The following SH3D19 variants were observed in gnomAD, a reference collection of about 807,000 sequenced individuals.
The protein encoded by SH3D19 is SH3 domain containing 19, also known as SH3 domain-containing protein 19.
In SH3D19, 58 loss-of-function variants were observed where a neutral mutation model predicts 112.1. The ratio of observed to expected loss-of-function variants is 0.52; its 90% CI spans 0.42 to 0.64. The LOEUF (loss-of-function observed/expected upper bound fraction) is 0.64. SH3D19 is among the 30% of genes least tolerant of loss of function. SH3D19 has a pLI of 0.00. For synonymous variants in SH3D19, 391 were observed against 448.5 expected (o/e 0.87, Z 1.62); for missense variants, 1,090 against 1,263.4 (o/e 0.86, Z 2.08).
intron 2 of SH3D19, among the ~76,000 whole-genome samples, chr4:151,214,746 G>A: frequency 1.0e-5 from 1 of 97,336 alleles, no homozygotes; most frequent in Non-Finnish European, 2.6e-5. Flanking sequence ...GGATGGGGAG[G>A]CTGGCCGGGC....
Position 151,174,963 on chromosome 4 carries a change from T to G in SH3D19, c.1241A>C (p.Lys414Thr). 1.9e-6 allele frequency: 3 copies of G among 1,614,128 alleles called. No individual in the cohort carries two copies. The highest frequency in any genetic ancestry group is 2.5e-6 in the Non-Finnish European group (3 of 1,179,996). The change falls in exon 7 of 20, where the codon AAA becomes ACA. Residue 414 changes from lysine (K) to threonine (T), a missense_variant. Coordinates refer to ENST00000604030, the MANE Select transcript of SH3D19 (RefSeq NM_001378122.1). ...PLAESSDSGK[K>T]VPTPAPRPLL... The stretch of plus-strand genomic sequence containing the variant: ...AGGCCGCGGGGCAGGAGTTGGCACT[T>G]TCTTCCCACTATCAGAGCTCTCAGC...
At chr4:151,302,988 C>T (rs553316083) in intron 1 of SH3D19, among the ~76,000 whole-genome samples, 3 of 151,980 alleles carry the variant, frequency 2.0e-5, no homozygotes, top group African/African-American at 7.2e-5. Flanking sequence ...GCATGTTGTG[C>T]ACATGTACCC....
intron 2 of SH3D19, among the ~76,000 whole-genome samples, chr4:151,216,358 A>G (rs2149922894): frequency 6.6e-6 from 1 of 152,350 alleles, no homozygotes; most frequent in East Asian, 1.9e-4. Flanking sequence ...TTTAAAGTCC[A>G]CTTTCCCAAG....
In SH3D19 at chr4:151,175,419, G is replaced by A; in HGVS notation, c.785C>T (p.Pro262Leu). The change falls in exon 7 of 20, where the codon CCA (proline) becomes CTA (leucine). Residue 262 changes from proline to leucine, a missense_variant. Coordinates refer to ENST00000604030, the MANE Select transcript of SH3D19 (RefSeq NM_001378122.1). Reference protein sequence around the residue: ...SPAAVGEESSPGRPQSLLDNA... With the variant: ...SPAAVGEESSLGRPQSLLDNA... Reference sequence around the variant, plus strand: ...GTCCAGCAGAGACTGGGGCCGGCCTGGGGATGACTCCTCTCCTACGGCTGC... The same window carrying A: ...GTCCAGCAGAGACTGGGGCCGGCCTAGGGATGACTCCTCTCCTACGGCTGC... The A allele has an allele frequency of 6.5e-7, 1 of 1,538,572 alleles. No homozygotes were observed. Among genetic ancestry groups the A allele is most frequent in the Admixed American group, 2.1e-5 (1 of 48,022 alleles).
intron 1 of SH3D19, among the ~76,000 whole-genome samples, chr4:151,230,597 C>CTTTT (rs201617546): frequency 7.3e-6 from 1 of 136,938 alleles, no homozygotes. Context: ...TAAAGTGAGT[C>CTTTT]TTTTTTTTTT....
intron 1 of SH3D19, among the ~76,000 whole-genome samples, chr4:151,284,360 G>A (rs1333905834): frequency 6.6e-6 from 1 of 152,140 alleles, no homozygotes; most frequent in East Asian, 1.9e-4. Context: ...AGTCCATCTA[G>A]TGAAGTTTTT....
At chr4:151,281,568 T>C (rs1255331717) in intron 1 of SH3D19, among the ~76,000 whole-genome samples, 2 of 152,114 alleles carry the variant, frequency 1.3e-5, no homozygotes, top group African/African-American at 4.8e-5. Flanking sequence ...CAGCTATATA[T>C]AGGATTTCTT....
chr4:151,245,749 G>A lies in SH3D19; in HGVS notation c.113-19663C>T, dbSNP rs1010116461. On this transcript the variant is annotated intron_variant, in intron 1 of 19. Transcript: ENST00000604030. ...CCTGAGTAGCTGGGATTACAGGCACGCGCCACCATGCCTAGCTAATTTTTA... is the reference window on the plus strand; with the variant it reads ...CCTGAGTAGCTGGGATTACAGGCACACGCCACCATGCCTAGCTAATTTTTA... Among the ~76,000 whole-genome samples, 21 of 152,162 alleles carry A rather than the reference G, an allele frequency of 1.4e-4. No individual in the cohort carries two copies. In the East Asian group the frequency reaches 1.5e-3, roughly 11 times the overall value.
Position 151,175,382 on chromosome 4 carries a change from G to A in SH3D19, c.822C>T (p.Thr274=). Reference sequence around the variant, plus strand: ...TGTTCATCACTGCCTGACTGTCTGAGGTGCTAGCGTTGTCCAGCAGAGACT... The same window carrying A: ...TGTTCATCACTGCCTGACTGTCTGAAGTGCTAGCGTTGTCCAGCAGAGACT... The part of the protein sequence containing the change: ...RPQSLLDNAS[T]SDSQAVMNIM... Residue 274 remains threonine (T), a synonymous_variant, in exon 7 of 20, where the codon ACC becomes ACT. Coordinates refer to ENST00000604030, the MANE Select transcript of SH3D19 (RefSeq NM_001378122.1). The A allele has an allele frequency of 6.3e-7, 1 of 1,588,278 alleles. No individual in the cohort carries two copies. The highest frequency in any genetic ancestry group is 8.6e-7 in the Non-Finnish European group (1 of 1,167,402).
chr4:151,299,820 G>A (rs1429310531), intron 1 of SH3D19, among the ~76,000 whole-genome samples: 2 of 152,156 alleles, frequency 1.3e-5, no homozygotes, highest in East Asian at 1.9e-4. Flanking sequence ...GGAAAAATAC[G>A]CTAACCCATT....
At position 151,165,677 on chromosome 4, in the gene SH3D19, T is replaced by C. The variant is rs915946013; in HGVS notation, c.1554A>G (p.Ala518=). The change falls in exon 8 of 20, where the codon GCA becomes GCG. Residue 518 remains alanine, a synonymous_variant. Coordinates refer to ENST00000604030, the MANE Select transcript of SH3D19 (RefSeq NM_001378122.1). Reference sequence around the variant, plus strand: ...CTCGTTCTTTTATTGGTTCTGTTTTTGCAGGGAGCTGAAAGGGATCTAATG... The same window carrying C: ...CTCGTTCTTTTATTGGTTCTGTTTTCGCAGGGAGCTGAAAGGGATCTAATG... The part of the protein sequence containing the change: ...EMVLDPFQLP[A]KTEPIKERAV... The C allele has an allele frequency of 2.5e-6, 4 of 1,614,024 alleles. No homozygotes were observed. The African/African-American group carries it at 4.0e-5, about 16-fold the overall frequency.
At chr4:151,219,989 GA>G (rs1268001902) in intron 2 of SH3D19, among the ~76,000 whole-genome samples, 2 of 152,044 alleles carry the variant, frequency 1.3e-5, no homozygotes, top group Non-Finnish European at 2.9e-5. Flanking sequence ...TAAAAATATG[GA>G]TAATCAGTTA....
intron 1 of SH3D19, among the ~76,000 whole-genome samples, chr4:151,287,303 T>C (rs1774895077): frequency 3.5e-5 from 5 of 141,164 alleles, no homozygotes; most frequent in Admixed American, 3.0e-4. Flanking sequence ...ATCATGCCAC[T>C]GTACTCCAGC....
At chr4:151,128,021 A>G in intron 18 of SH3D19, 149 bp downstream of exon 18, 1 of 558,086 alleles carries the variant, frequency 1.8e-6, no homozygotes, top group Non-Finnish European at 2.9e-6. Flanking sequence ...AACAAAGCAT[A>G]TGAATGAAGT....
chr4:151,121,202 T>C lies in SH3D19; in HGVS notation c.*889A>G, dbSNP rs1251537725. ...GTAAGATTTTATATGTGATTCATAATGTACTACTATAACAAGACACAGTTT... is the reference window on the plus strand; with the variant it reads ...GTAAGATTTTATATGTGATTCATAACGTACTACTATAACAAGACACAGTTT... On this transcript the variant is annotated 3_prime_UTR_variant, in exon 20 of 20. Coordinates refer to ENST00000604030, the MANE Select transcript of SH3D19 (RefSeq NM_001378122.1). The C allele has an allele frequency of 6.5e-6, 1 of 152,686 alleles. No individual in the cohort carries two copies. The highest frequency in any genetic ancestry group is 1.5e-5 in the Non-Finnish European group (1 of 68,050). The allele number at this position is 152,686 out of a possible 1,614,324, so 9.5% of individuals were successfully genotyped here.
chr4:151,193,827 G>T (rs1335944093), intron 2 of SH3D19, among the ~76,000 whole-genome samples: 2 of 152,110 alleles, frequency 1.3e-5, no homozygotes, highest in Non-Finnish European at 2.9e-5. Flanking sequence ...GTATAATTGT[G>T]TTCAATGGAC....
At chr4:151,214,676 G>A (rs1183675443) in intron 2 of SH3D19, among the ~76,000 whole-genome samples, 17 of 104,158 alleles carry the variant, frequency 1.6e-4, no homozygotes, top group Non-Finnish European at 3.3e-4. Context: ...CGGCTGGCCG[G>A]GCAGAGGGGC....
At chr4:151,155,050 G>A (rs938222411) in intron 9 of SH3D19, among the ~76,000 whole-genome samples, 1 of 152,018 alleles carries the variant, frequency 6.6e-6, no homozygotes, top group African/African-American at 2.4e-5. Flanking sequence ...GAGCCACAGT[G>A]CACCCCAATA....
chr4:151,205,290 C>T (rs1365835660), intron 2 of SH3D19, among the ~76,000 whole-genome samples: 1 of 152,206 alleles, frequency 6.6e-6, no homozygotes, highest in Non-Finnish European at 1.5e-5. Flanking sequence ...TCTCTGAAAC[C>T]ACATCATCTC....
Sources: allele counts gnomAD v4.1 joint callset (sites outside exome capture counted in the v4.1 genomes callset), GRCh38; gene constraint gnomAD v4.1.1; transcripts MANE v1.5; gene names NCBI Gene and HGNC (gene_info 2026-07-23, HGNC 2026-07-21).